The following NRXN2 variants were observed in gnomAD, a reference collection of about 807,000 sequenced individuals.
The protein encoded by NRXN2 is neurexin 2.
In NRXN2, 29 loss-of-function variants were observed where a neutral mutation model predicts 128.8. The ratio of observed to expected loss-of-function variants is 0.23; its 90% confidence interval spans 0.17 to 0.31. NRXN2 has a LOEUF of 0.31. Ranked by LOEUF, NRXN2 falls within the 10% of genes least tolerant of loss-of-function variation. The pLI is 1.00. For missense variants in NRXN2, 1,881 were observed against 2,452.6 expected (o/e 0.77, Z 4.92); for synonymous variants, 1,098 against 1,075.2 (o/e 1.02, Z -0.41).
In NRXN2 at chr11:64,713,059, G is replaced by C. The variant is rs901613771; in HGVS notation, c.641C>G (p.Ala214Gly). The part of the protein sequence containing the change: ...PLCAPARNPC[A>G]NGGLCTVLAP... ...CAGCACGGTGCAGAGGCCGCCGTTG[G>C]CGCAGGGGTTGCGCGCGGGCGCGCA... Residue 214 changes from alanine to glycine, a missense_variant, in exon 2 of 23, where the codon GCC (alanine) becomes GGC (glycine). Physicochemically the swap from Ala to Gly is moderately conservative, Grantham distance 60. Coordinates refer to ENST00000265459, the MANE Select transcript of NRXN2 (RefSeq NM_015080.4). The C allele has an allele frequency of 5.4e-6, 7 of 1,302,728 alleles. No individual in the cohort carries two copies. The highest frequency in any genetic ancestry group is 3.9e-6 in the Non-Finnish European group (4 of 1,034,526). The allele number at this position is 1,302,728 out of a possible 1,614,324, so 80.7% of individuals were successfully genotyped here. A position where few individuals can be genotyped will look rare whatever the true frequency, so the allele number is the denominator to read the frequency against.
chr11:64,700,136 C>A (rs893844936), intron 2 of NRXN2, among the ~76,000 whole-genome samples: 1 of 152,172 alleles, frequency 6.6e-6, no homozygotes, highest in African/African-American at 2.4e-5. Flanking sequence ...GGCCCCTGCC[C>A]TCCACATTCC....
intron 2 of NRXN2, among the ~76,000 whole-genome samples, chr11:64,710,188 G>A (rs544741248): frequency 6.6e-6 from 1 of 152,058 alleles, no homozygotes; most frequent in East Asian, 1.9e-4. Flanking sequence ...GATTACAGGC[G>A]TGAGCCACTG....
intron 17 of NRXN2, among the ~76,000 whole-genome samples, chr11:64,644,481 G>A (rs773364782): frequency 1.6e-4 from 24 of 152,142 alleles, no homozygotes; most frequent in Non-Finnish European, 2.6e-4. Context: ...CCTGGGCCAC[G>A]TATGTCAAGC....
intron 4 of NRXN2, 118 bp from the exon 5 acceptor site, chr11:64,690,594 G>T: frequency 1.1e-6 from 1 of 900,552 alleles, no homozygotes; most frequent in Non-Finnish European, 1.8e-6. Context: ...GACAGGGGAG[G>T]AGAGGCTTTT....
At chr11:64,608,754 C>T (rs966008043) in intron 22 of NRXN2, among the ~76,000 whole-genome samples, 12 of 152,218 alleles carry the variant, frequency 7.9e-5, no homozygotes, top group Non-Finnish European at 1.8e-4. Flanking sequence ...ACTCTCTCTC[C>T]GCCCTCACTT....
chr11:64,686,276 C>T (rs2053035248), intron 5 of NRXN2, among the ~76,000 whole-genome samples: 1 of 152,168 alleles, frequency 6.6e-6, no homozygotes, highest in Non-Finnish European at 1.5e-5. Flanking sequence ...CACCAACCTT[C>T]CCATCGGCCA....
chr11:64,715,604 G>A (rs946550643), intron 1 of NRXN2, among the ~76,000 whole-genome samples: 2 of 152,108 alleles, frequency 1.3e-5, no homozygotes, highest in African/African-American at 4.8e-5. Context: ...AGTCGGGAGC[G>A]TTGGGGGAGC....
chr11:64,645,120 G>A (rs936276928), intron 17 of NRXN2, among the ~76,000 whole-genome samples: 9 of 152,206 alleles, frequency 5.9e-5, no homozygotes, highest in Non-Finnish European at 1.3e-4. Flanking sequence ...AGCAGGGCTG[G>A]GGCCCCCAGA....
In NRXN2 at chr11:64,660,424, T is replaced by C. The variant is rs1333523303; in HGVS notation, c.2297A>G (p.Tyr766Cys). Residue 766 changes from tyrosine (Y) to cysteine (C), a missense_variant, in exon 11 of 23, where the codon TAC (tyrosine) becomes TGC (cysteine). Tyr to Cys is a radical substitution (Grantham distance 194). Transcript: ENST00000265459. This position sits in a 1 kb window ranked among gnomAD's most constrained non-coding sequence, Gnocchi z 5.2. ...GGAAGTGGTGGCCATCATGAGTCCGTAGGCCCGCTGGGACATGAAACGCAG... is the reference window on the plus strand; with the variant it reads ...GGAAGTGGTGGCCATCATGAGTCCGCAGGCCCGCTGGGACATGAAACGCAG... ...VSLRFMSQRA[Y>C]GLMMATTSRE... 1.9e-6 allele frequency: 3 copies of C among 1,614,168 alleles called. No individual in the cohort carries two copies. Among genetic ancestry groups the C allele is most frequent in the East Asian group, 2.2e-5 (1 of 44,876 alleles).
rs750222438 is a variant in NRXN2 at position 64,607,889 on chromosome 11, G to T, written c.4446C>A (p.Asp1482Glu). Reference sequence around the variant, plus strand: ...CGATGGGCTCCTCGCAGTCGCTGTCGTCCCGCTCGGCCTGGCACGGGCCCC... The same window carrying T: ...CGATGGGCTCCTCGCAGTCGCTGTCTTCCCGCTCGGCCTGGCACGGGCCCC... Reference protein sequence around the residue: ...PSGGPCQAERDDSDCEEPIEA... With the variant: ...PSGGPCQAEREDSDCEEPIEA... Residue 1482 changes from aspartate (D) to glutamate (E), a missense_variant, in exon 23 of 23, where the codon GAC becomes GAA. Asp to Glu is a conservative substitution (Grantham distance 45). Coordinates refer to ENST00000265459, the MANE Select transcript of NRXN2 (RefSeq NM_015080.4). 2.5e-6 allele frequency: 4 copies of T among 1,575,768 alleles called. No homozygotes were observed. In the Admixed American group the frequency reaches 5.5e-5, roughly 21 times the overall value.
rs779331730 is a variant in NRXN2, at chr11:64,713,535, G to A, written c.165C>T (p.Phe55=). ...AGAASSGELS[F]SLRTNATRAL... is the part of the protein sequence containing the mutation. ...CGCGCGTGGCGTTGGTGCGCAGGCTGAAGCTGAGCTCGCCGCTGCTCGCCG... is the reference window on the plus strand; with the variant it reads ...CGCGCGTGGCGTTGGTGCGCAGGCTAAAGCTGAGCTCGCCGCTGCTCGCCG... Residue 55 remains phenylalanine, a synonymous_variant, in exon 2 of 23, where the codon TTC becomes TTT. Coordinates refer to ENST00000265459, the MANE Select transcript of NRXN2 (RefSeq NM_015080.4). The A allele has an allele frequency of 1.6e-5, 23 of 1,480,388 alleles. No homozygotes were observed. In the Admixed American group the frequency reaches 4.9e-4, roughly 32 times the overall value. The allele number at this position is 1,480,388 out of a possible 1,614,324, so 91.7% of individuals were successfully genotyped here.
chr11:64,696,563 A>ACACACACACC, intron 3 of NRXN2, among the ~76,000 whole-genome samples: 1 of 148,596 alleles, frequency 6.7e-6, no homozygotes, highest in East Asian at 2.0e-4. Flanking sequence ...ACACACACAC[A>ACACACACACC]CCTGCCTGCT....
intron 2 of NRXN2, among the ~76,000 whole-genome samples, chr11:64,712,101 G>A (rs976414231): frequency 4.6e-5 from 7 of 151,894 alleles, no homozygotes; most frequent in Non-Finnish European, 7.4e-5. Context: ...CCAAAGCCCC[G>A]CCACACGGCC....
In NRXN2 at chr11:64,626,416, A is replaced by G. The variant is rs767210549; in HGVS notation, c.3847+47T>C. ...AGAGAGAGCTCTGCACCTTTAAGAT[A>G]GTGTTTTTAAAGTTAATTAATTAAT... On this transcript the variant is annotated intron_variant, in intron 20 of 22. Transcript: ENST00000265459. The G allele has an allele frequency of 2.8e-6, 4 of 1,420,800 alleles. No individual in the cohort carries two copies. In the South Asian group the frequency reaches 4.7e-5, roughly 17 times the overall value. The allele number at this position is 1,420,800 out of a possible 1,614,324, so 88.0% of individuals were successfully genotyped here. A position where few individuals can be genotyped will look rare whatever the true frequency, so the allele number is the denominator to read the frequency against.
intron 7 of NRXN2, chr11:64,675,163 C>A (rs554094166): frequency 4.6e-5 from 7 of 152,372 alleles, no homozygotes; most frequent in South Asian, 2.1e-4. Flanking sequence ...AATGGCTTGG[C>A]CTGAGCCGGG....
intron 3 of NRXN2, among the ~76,000 whole-genome samples, chr11:64,693,646 G>A (rs867739569): frequency 6.6e-6 from 1 of 152,196 alleles, no homozygotes; most frequent in Non-Finnish European, 1.5e-5. Flanking sequence ...AACCTCTGTA[G>A]GGGTAGTAGG....
chr11:64,695,997 C>T (rs1001422992), intron 3 of NRXN2, among the ~76,000 whole-genome samples: 2 of 151,942 alleles, frequency 1.3e-5, no homozygotes, highest in African/African-American at 4.8e-5. Flanking sequence ...AGCTGTTCCC[C>T]GTTCCTGCCC....
chr11:64,670,136 G>C (rs898288913), intron 7 of NRXN2, among the ~76,000 whole-genome samples: 1 of 152,038 alleles, frequency 6.6e-6, no homozygotes, highest in Admixed American at 6.5e-5. Context: ...GCCTCGCAGT[G>C]AATAGGGTAG....
Position 64,660,821 on chromosome 11 carries a change from C to T in NRXN2, c.2117G>A (p.Arg706Gln), listed in dbSNP as rs1246836172. Residue 706 changes from arginine (R) to glutamine (Q), a missense_variant, in exon 10 of 23, where the codon CGA (arginine) becomes CAA (glutamine). Arg to Gln is a conservative substitution (Grantham distance 43). Around this residue, in one of 7 missense-constraint regions of NRXN2, gnomAD observed 997 missense variants for 1,240.8 expected, o/e 0.80. Coordinates refer to ENST00000265459, the MANE Select transcript of NRXN2 (RefSeq NM_015080.4). This position sits in a 1 kb window ranked among gnomAD's most constrained non-coding sequence, Gnocchi z 5.2. ...ACAGATGAAGCGGTTCCAGCCTTCT[C>T]GACAGACGCCCCCATTGCGACAGGG... ...SAPCRNGGVC[R>Q]EGWNRFICDC... 4.3e-6 allele frequency: 7 copies of T among 1,614,028 alleles called. No homozygotes were observed. Among genetic ancestry groups the T allele is most frequent in the Non-Finnish European group, 5.9e-6 (7 of 1,179,998 alleles).
Sources: allele counts gnomAD v4.1 joint callset (sites outside exome capture counted in the v4.1 genomes callset), GRCh38; gene constraint gnomAD v4.1.1; regional missense constraint gnomAD v4.1.1; non-coding constraint Gnocchi (gnomAD v3.1); transcripts MANE v1.5; gene names NCBI Gene and HGNC (gene_info 2026-07-23, HGNC 2026-07-21).